ERC2: variants seen among roughly 807,000 people sequenced by gnomAD.
ERC2 encodes ELKS/RAB6-interacting/CAST family member 2, also known as ERC protein 2.
In ERC2, 42 loss-of-function variants were observed where a neutral mutation model predicts 114.8. That is an observed-to-expected ratio of 0.37 (90% CI 0.29 to 0.47). The LOEUF is 0.47. ERC2 is among the 20% of genes least tolerant of loss of function. The probability of loss-of-function intolerance (pLI) is 0.99; values close to 1 mark genes in which losing one functional copy is unlikely to be tolerated. For missense variants in ERC2, 939 were observed against 1,150.7 expected, an observed-to-expected ratio of 0.82 and a Z score of 2.66; for synonymous variants, 454 against 425.5, an observed-to-expected ratio of 1.07 and a Z score of -0.82.
intron 14 of ERC2, among the ~76,000 whole-genome samples, chr3:55,743,914 G>A (rs1010305570): frequency 2.0e-5 from 3 of 152,252 alleles, no homozygotes; most frequent in Admixed American, 2.0e-4. Flanking sequence ...GGTGGAGGCA[G>A]GGAACCGAAG....
chr3:55,737,389 A>C (rs1254064938), intron 14 of ERC2, among the ~76,000 whole-genome samples: 1 of 152,236 alleles, frequency 6.6e-6, no homozygotes, highest in Non-Finnish European at 1.5e-5. Context: ...GAGACAATAG[A>C]CATGCTTGCG....
intron 13 of ERC2, among the ~76,000 whole-genome samples, chr3:55,902,498 C>T (rs941004957): frequency 1.3e-5 from 2 of 152,168 alleles, no homozygotes; most frequent in Non-Finnish European, 1.5e-5. Flanking sequence ...TCCCCACGTA[C>T]AAAGCGGCTG....
At chr3:55,557,715 G>A (rs751148431) in intron 17 of ERC2, among the ~76,000 whole-genome samples, 15 of 152,220 alleles carry the variant, frequency 9.9e-5, no homozygotes, top group Non-Finnish European at 1.6e-4. Flanking sequence ...TCTGATCCCT[G>A]CCAACCTCTT....
intron 1 of ERC2, 120 bp from the exon 2 acceptor site, chr3:56,435,267 G>C: frequency 9.8e-6 from 3 of 307,356 alleles, no homozygotes; most frequent in Non-Finnish European, 1.2e-5. Flanking sequence ...ATTAATAATA[G>C]ACAGATAGAA....
intron 14 of ERC2, among the ~76,000 whole-genome samples, chr3:55,791,654 C>A (rs190211133): frequency 3.9e-5 from 6 of 152,244 alleles, no homozygotes; most frequent in African/African-American, 1.4e-4. Flanking sequence ...CCATCAGGCA[C>A]AATTTTGAAT....
chr3:56,319,673 G>A (rs1460863738), intron 2 of ERC2, among the ~76,000 whole-genome samples: 1 of 151,992 alleles, frequency 6.6e-6, no homozygotes, highest in Non-Finnish European at 1.5e-5. Context: ...GGCAATACCT[G>A]ACAAAAACAA....
chr3:56,372,832 C>T (rs2059404604), intron 2 of ERC2, among the ~76,000 whole-genome samples: 1 of 152,156 alleles, frequency 6.6e-6, no homozygotes, highest in African/African-American at 2.4e-5. Flanking sequence ...TGAGCTATAA[C>T]CGCTAATTCA....
chr3:56,310,511 T>C lies in ERC2; in HGVS notation c.658-14076A>G, dbSNP rs143892546. Among the ~76,000 whole-genome samples the C allele has an allele frequency of 2.6e-3, 400 of 152,350 alleles. 3 individuals carry two copies. The highest frequency in any genetic ancestry group is 9.3e-3 in the African/African-American group (388 of 41,574). ...GAATTGTAAGATGTCTTACCTAAAT[T>C]AATATCATTTCAAATAGCTGGGTGG... On this transcript the variant is annotated intron_variant, in intron 2 of 17. Transcript: ENST00000288221.
At chr3:56,239,569 A>G (rs2053956) in intron 3 of ERC2, among the ~76,000 whole-genome samples, 141,261 of 152,280 alleles carry the variant, frequency 0.93, 65,798 homozygotes, top group East Asian at 1. Context: ...AAAAGCAGAT[A>G]AAGACTAGAA....
At chr3:56,315,034 C>T (rs373947298) in intron 2 of ERC2, among the ~76,000 whole-genome samples, 5 of 152,188 alleles carry the variant, frequency 3.3e-5, no homozygotes, top group Non-Finnish European at 7.3e-5. Flanking sequence ...TTGGTCTAGA[C>T]GCATCCCTTC....
chr3:56,395,055 A>T (rs74525412), intron 2 of ERC2, among the ~76,000 whole-genome samples: 1 of 151,572 alleles, frequency 6.6e-6, no homozygotes, highest in African/African-American at 2.4e-5. Flanking sequence ...AAAAAAAAAA[A>T]GTTGCAAAAA....
chr3:56,391,447 T>C (rs1451188829), intron 2 of ERC2, among the ~76,000 whole-genome samples: 13 of 152,200 alleles, frequency 8.5e-5, no homozygotes, highest in Admixed American at 8.5e-4. Flanking sequence ...TATGAGGTAT[T>C]ACCACCATTT....
chr3:56,401,517 C>T (rs2060518635), intron 2 of ERC2, among the ~76,000 whole-genome samples: 1 of 152,194 alleles, frequency 6.6e-6, no homozygotes, highest in African/African-American at 2.4e-5. Flanking sequence ...GCAGAATATT[C>T]CACAGCAGAA....
chr3:56,095,460 A>C (rs562499198), intron 6 of ERC2, among the ~76,000 whole-genome samples: 1 of 152,340 alleles, frequency 6.6e-6, no homozygotes, highest in South Asian at 2.1e-4. Flanking sequence ...TGTAAAATGC[A>C]GCGTGTATTC....
intron 16 of ERC2, 25 bp from the exon 17 acceptor site, chr3:55,683,884 G>A: frequency 6.2e-7 from 1 of 1,611,096 alleles, no homozygotes; most frequent in African/African-American, 1.3e-5. Context: ...AGGTGGGGAG[G>A]TGCACAGAGA....
chr3:56,043,042 T>G (rs950831847), intron 7 of ERC2, among the ~76,000 whole-genome samples: 8 of 152,178 alleles, frequency 5.3e-5, no homozygotes, highest in African/African-American at 1.9e-4. Context: ...TCTTCATGGT[T>G]TGCTAACCGT....
chr3:56,008,223 G>T (rs767081323), intron 9 of ERC2, among the ~76,000 whole-genome samples: 22 of 152,124 alleles, frequency 1.4e-4, no homozygotes, highest in Non-Finnish European at 2.9e-4. Flanking sequence ...AACAACGTTG[G>T]CTAATAATTT....
chr3:55,546,265 A>G (rs1352078123), intron 17 of ERC2, among the ~76,000 whole-genome samples: 1 of 151,986 alleles, frequency 6.6e-6, no homozygotes, highest in African/African-American at 2.4e-5. Flanking sequence ...GCTGGCTCCT[A>G]CCTCCAGGCC....
chr3:56,086,025 T>TGA (rs1052759671), intron 6 of ERC2, among the ~76,000 whole-genome samples: 7 of 152,114 alleles, frequency 4.6e-5, no homozygotes, highest in East Asian at 1.9e-4. Flanking sequence ...TCTGTAATCA[T>TGA]GAGAGAGAGA....
Sources: gnomAD v4.1 joint callset for allele counts (sites outside exome capture counted in the v4.1 genomes callset) on GRCh38, gnomAD v4.1.1 for gene constraint, MANE v1.5 for transcripts, NCBI Gene and HGNC (gene_info 2026-07-23, HGNC 2026-07-21) for gene names.